Variants in CAV1 observed in about 807,000 individuals in gnomAD.
CAV1 encodes the protein caveolin-1.
A neutral mutation model predicts 16.5 loss-of-function variants in CAV1; 10 were observed. The observed-to-expected ratio is 0.61, with a 90% CI of 0.37 to 1.03. The LOEUF is 1.03. Among genes scored for constraint, CAV1 ranks in the 50% least tolerant of loss-of-function variants. The probability of loss-of-function intolerance (pLI) is 0.01; values close to 1 mark genes in which losing one functional copy is unlikely to be tolerated. For synonymous variants in CAV1, 76 were observed against 85.1 expected (o/e 0.89, Z 0.59); for missense variants, 212 against 232.8 (o/e 0.91, Z 0.58).
At chr7:116,553,757 C>T (rs1459885186) in intron 2 of CAV1, among the ~76,000 whole-genome samples, 1 of 152,122 alleles carries the variant, frequency 6.6e-6, no homozygotes. Flanking sequence ...CCCTAGGAAA[C>T]GGGACTGGGG....
rs75350784 is a variant in CAV1, at chr7:116,556,101, T to C, written c.196-2845T>C. Reference sequence around the variant, plus strand: ...CATGCTCACTAGCAGTTTCTGAAAATGCAGTTTCACTGAAAATGCAGGCAT... The same window carrying C: ...CATGCTCACTAGCAGTTTCTGAAAACGCAGTTTCACTGAAAATGCAGGCAT... On this transcript the variant is annotated intron_variant, in intron 2 of 2. Transcript: ENST00000341049. Among the ~76,000 whole-genome samples, 1,281 of 152,328 alleles carry C rather than the reference T, an allele frequency of 8.4e-3. 16 individuals are homozygous for C. Among genetic ancestry groups the C allele is most frequent in the African/African-American group, 0.03 (1,231 of 41,564 alleles).
At chr7:116,548,280 A>G (rs918292066) in intron 2 of CAV1, among the ~76,000 whole-genome samples, 1 of 152,204 alleles carries the variant, frequency 6.6e-6, no homozygotes, top group Non-Finnish European at 1.5e-5. Context: ...AAAGAAATGG[A>G]ATAAGGGGAA....
At chr7:116,540,571 A>T (rs1793914633) in intron 2 of CAV1, among the ~76,000 whole-genome samples, 1 of 152,228 alleles carries the variant, frequency 6.6e-6, no homozygotes, top group East Asian at 1.9e-4. Context: ...AGCCAGAATC[A>T]CAGTCATAGC....
At chr7:116,546,862 T>A (rs1344325316) in intron 2 of CAV1, among the ~76,000 whole-genome samples, 2 of 152,080 alleles carry the variant, frequency 1.3e-5, no homozygotes, top group African/African-American at 4.8e-5. Flanking sequence ...GCTACAGAAA[T>A]TTCTTGGGGA....
intron 2 of CAV1, among the ~76,000 whole-genome samples, chr7:116,543,677 T>A (rs1378258891): frequency 6.6e-6 from 1 of 152,218 alleles, no homozygotes; most frequent in African/African-American, 2.4e-5. Flanking sequence ...TTAGTTCACA[T>A]GACAGAGAAG....
In CAV1 at chr7:116,559,773, G is replaced by T; in HGVS notation, c.*486G>T. On this transcript the variant is annotated 3_prime_UTR_variant, in exon 3 of 3. Coordinates refer to ENST00000341049, the MANE Select transcript of CAV1 (RefSeq NM_001753.5). ...TTTTCCCACTGTTTAAGGAGTTAGT[G>T]GATTACTGCCATTCACTTCATAATC... 2.4e-6 allele frequency: 1 copy of T among 417,750 alleles called. No homozygotes were observed. 25.9% of individuals were successfully genotyped at this position (417,750 alleles called of 1,614,324 possible). A position where few individuals can be genotyped will look rare whatever the true frequency, so the allele number is the denominator to read the frequency against.
At chr7:116,529,248 T>C (rs548343307) in intron 2 of CAV1, among the ~76,000 whole-genome samples, 2 of 152,154 alleles carry the variant, frequency 1.3e-5, no homozygotes, top group Non-Finnish European at 2.9e-5. Flanking sequence ...AAAGAACCAG[T>C]GGCCAATGGA....
At chr7:116,526,883 T>C in intron 2 of CAV1, 194 bp downstream of exon 2, 1 of 630,878 alleles carries the variant, frequency 1.6e-6, no homozygotes, top group Non-Finnish European at 2.9e-6. Flanking sequence ...ACATCTCCCT[T>C]CCCCCATCTC....
chr7:116,537,357 G>A (rs1351184890), intron 2 of CAV1, among the ~76,000 whole-genome samples: 1 of 152,122 alleles, frequency 6.6e-6, no homozygotes, highest in East Asian at 1.9e-4. Context: ...GTGGGAGTGA[G>A]ACAGGAGATG....
At chr7:116,545,657 T>C (rs758159363) in intron 2 of CAV1, among the ~76,000 whole-genome samples, 2 of 152,218 alleles carry the variant, frequency 1.3e-5, no homozygotes, top group Non-Finnish European at 2.9e-5. Flanking sequence ...CGTGAGGAAG[T>C]GTATTGTAGA....
intron 2 of CAV1, among the ~76,000 whole-genome samples, chr7:116,536,042 A>G (rs1793806659): frequency 6.6e-6 from 1 of 152,172 alleles, no homozygotes; most frequent in Non-Finnish European, 1.5e-5. Flanking sequence ...TTAAAAAGGT[A>G]AGTTGTGTCT....
At chr7:116,543,825 G>A (rs770074996) in intron 2 of CAV1, among the ~76,000 whole-genome samples, 1 of 152,098 alleles carries the variant, frequency 6.6e-6, no homozygotes, top group Non-Finnish European at 1.5e-5. Context: ...CGTTTGTTTT[G>A]TTTTGTTTTT....
At chr7:116,538,914 C>T (rs1793879748) in intron 2 of CAV1, among the ~76,000 whole-genome samples, 1 of 152,164 alleles carries the variant, frequency 6.6e-6, no homozygotes, top group African/African-American at 2.4e-5. Context: ...TTTCGTGGGA[C>T]TTATCACTAC....
chr7:116,550,392 G>C (rs1794135019), intron 2 of CAV1, among the ~76,000 whole-genome samples: 1 of 152,140 alleles, frequency 6.6e-6, no homozygotes, highest in Non-Finnish European at 1.5e-5. Flanking sequence ...CAGGGGTCTA[G>C]GTGGATATTC....
chr7:116,543,737 A>G (rs1226101852), intron 2 of CAV1, among the ~76,000 whole-genome samples: 1 of 152,244 alleles, frequency 6.6e-6, no homozygotes, highest in African/African-American at 2.4e-5. Flanking sequence ...AAGAAGGTCT[A>G]GCTAAATAAA....
At chr7:116,548,273 G>T (rs561680570) in intron 2 of CAV1, among the ~76,000 whole-genome samples, 1 of 152,304 alleles carries the variant, frequency 6.6e-6, no homozygotes, top group African/African-American at 2.4e-5. Flanking sequence ...TGACACTAAA[G>T]AAATGGAATA....
intron 2 of CAV1, among the ~76,000 whole-genome samples, chr7:116,548,171 G>A (rs1794091789): frequency 6.6e-6 from 1 of 152,154 alleles, no homozygotes; most frequent in African/African-American, 2.4e-5. Flanking sequence ...CCCTGCCCTT[G>A]GAGCACTGAT....
intron 2 of CAV1, among the ~76,000 whole-genome samples, chr7:116,544,115 A>G (rs1793993593): frequency 6.6e-6 from 1 of 152,234 alleles, no homozygotes; most frequent in African/African-American, 2.4e-5. Context: ...GAGCTATGCC[A>G]AAATCTGTAG....
Position 116,525,079 on chromosome 7 carries a change from A to G in CAV1, c.17A>G (p.Tyr6Cys), listed in dbSNP as rs771883922. 2 of 1,614,128 alleles carry G rather than the reference A, an allele frequency of 1.2e-6. No individual in the cohort carries two copies. Among genetic ancestry groups the G allele is most frequent in the Admixed American group, 1.7e-5 (1 of 60,030 alleles). ...CGGGCCAGCATGTCTGGGGGCAAAT[A>G]CGTAGACTCGGAGGTAGGCATCCGT... The part of the protein sequence containing the change: MSGGK[Y>C]VDSEGHLYTV... The change falls in exon 1 of 3, where the codon TAC (tyrosine) becomes TGC (cysteine). Residue 6 changes from tyrosine to cysteine, a missense_variant. Transcript: ENST00000341049.
Sources: allele counts gnomAD v4.1 joint callset (sites outside exome capture counted in the v4.1 genomes callset), GRCh38; gene constraint gnomAD v4.1.1; transcripts MANE v1.5; gene names NCBI Gene and HGNC (gene_info 2026-07-23, HGNC 2026-07-21).